The following ESF1 variants were observed in gnomAD, a reference collection of about 807,000 sequenced individuals.
The protein encoded by ESF1 is ESF1 homolog.
ESF1 carries 58 observed loss-of-function variants against 92.0 expected under a neutral mutation model. The ratio of observed to expected loss-of-function variants is 0.63; its 90% confidence interval spans 0.51 to 0.78. The LOEUF is 0.78. Among genes scored for constraint, ESF1 ranks in the 30% least tolerant of loss-of-function variants. The pLI is 0.00. For synonymous variants in ESF1, 321 were observed against 313.7 expected, an observed-to-expected ratio of 1.02 and a Z score of -0.24; for missense variants, 922 against 989.1, an observed-to-expected ratio of 0.93 and a Z score of 0.91.
At chr20:13,724,294 CA>C (rs536851074) in intron 11 of ESF1, among the ~76,000 whole-genome samples, 5 of 151,536 alleles carry the variant, frequency 3.3e-5, no homozygotes, top group African/African-American at 1.2e-4. Context: ...GACTCCGTCT[CA>C]AAAAAATAAA....
intron 6 of ESF1, among the ~76,000 whole-genome samples, chr20:13,771,042 A>G (rs1209492542): frequency 1.3e-5 from 2 of 152,288 alleles, no homozygotes; most frequent in East Asian, 3.9e-4. Context: ...TCTGGTTCCT[A>G]GCTCTAAAAG....
At chr20:13,718,060 C>T (rs996274420) in intron 12 of ESF1, among the ~76,000 whole-genome samples, 14 of 150,850 alleles carry the variant, frequency 9.3e-5, no homozygotes, top group African/African-American at 2.2e-4. Flanking sequence ...TTACACTAAA[C>T]GGGTATTTTC....
chr20:13,780,475 G>T (rs1980130274), intron 2 of ESF1, among the ~76,000 whole-genome samples: 2 of 152,054 alleles, frequency 1.3e-5, no homozygotes, highest in African/African-American at 4.8e-5. Flanking sequence ...ACCTCAAGAG[G>T]TCTGCTGCCT....
chr20:13,718,729 T>C (rs2049847223), intron 12 of ESF1, among the ~76,000 whole-genome samples, 179 bp downstream of exon 12: 1 of 141,500 alleles, frequency 7.1e-6, no homozygotes, highest in Non-Finnish European at 1.6e-5. Context: ...TTATGTTTGG[T>C]AAAAAAAACA....
chr20:13,740,874 A>G (rs1222795873), intron 9 of ESF1, among the ~76,000 whole-genome samples: 1 of 152,136 alleles, frequency 6.6e-6, no homozygotes, highest in Non-Finnish European at 1.5e-5. Flanking sequence ...ACAGGAGTCA[A>G]GAGGAAGTCT....
At chr20:13,765,655 AATGGTCAATCTG>A (rs1170875014) in intron 8 of ESF1, among the ~76,000 whole-genome samples, 1 of 152,344 alleles carries the variant, frequency 6.6e-6, no homozygotes, top group African/African-American at 2.4e-5. Flanking sequence ...CTCCCAGGGA[AATGGTCAATCTG>A]AAGTAAACCA....
intron 11 of ESF1, among the ~76,000 whole-genome samples, chr20:13,719,540 G>T (rs1600263346): frequency 6.6e-6 from 1 of 151,824 alleles, no homozygotes; most frequent in African/African-American, 2.4e-5. Context: ...AAACAGAAAA[G>T]ATTGTTTAAT....
chr20:13,757,953 AAGAC>A (rs1381526925), intron 9 of ESF1, among the ~76,000 whole-genome samples: 2 of 152,222 alleles, frequency 1.3e-5, no homozygotes, highest in African/African-American at 2.4e-5. Context: ...TTCAACTTAA[AAGAC>A]AGAATTCAAC....
chr20:13,779,896 T>C (rs980947855), intron 2 of ESF1, among the ~76,000 whole-genome samples: 6 of 152,142 alleles, frequency 3.9e-5, no homozygotes, highest in African/African-American at 1.4e-4. Context: ...ATCCAATTAT[T>C]TATGTAAAAT....
chr20:13,782,435 C>T (rs1014980163), intron 2 of ESF1, 69 bp downstream of exon 2: 1 of 1,306,326 alleles, frequency 7.7e-7, no homozygotes, highest in Non-Finnish European at 1.0e-6. Context: ...AATGTGTTTA[C>T]ATTTTTGAAA....
chr20:13,759,605 C>G, intron 9 of ESF1, 87 bp downstream of exon 9: 1 of 1,503,414 alleles, frequency 6.7e-7, no homozygotes, highest in Non-Finnish European at 8.8e-7. Flanking sequence ...AGGTCCTCAC[C>G]AAAACATTTC....
At chr20:13,745,179 T>C (rs575964492) in intron 9 of ESF1, among the ~76,000 whole-genome samples, 34 of 152,350 alleles carry the variant, frequency 2.2e-4, no homozygotes, top group African/African-American at 7.7e-4. Context: ...GGCACAAGCA[T>C]TTGGGAAAAC....
At chr20:13,747,593 G>GA (rs139489858) in intron 9 of ESF1, among the ~76,000 whole-genome samples, 21,561 of 127,782 alleles carry the variant, frequency 0.17, 2,149 homozygotes, top group East Asian at 0.44. Context: ...ACTCAGTCTC[G>GA]AAAAAAAAAA....
At chr20:13,765,830 C>T (rs1979402941) in intron 8 of ESF1, among the ~76,000 whole-genome samples, 1 of 152,170 alleles carries the variant, frequency 6.6e-6, no homozygotes, top group South Asian at 2.1e-4. Flanking sequence ...ACAAAATTAA[C>T]TAGGCACACA....
intron 9 of ESF1, among the ~76,000 whole-genome samples, chr20:13,739,975 G>C (rs2050000745): frequency 6.6e-6 from 1 of 152,158 alleles, no homozygotes; most frequent in Admixed American, 6.5e-5. Flanking sequence ...ACAAATCAGA[G>C]AGAACACATG....
In ESF1 at chr20:13,764,081, AT is replaced by A. The variant is rs536496799; in HGVS notation, c.1666+2695del. 2.3e-4 allele frequency among the ~76,000 whole-genome samples: 35 copies of A among 152,358 alleles called. 1 individual carries two copies. The South Asian group carries it at 7.0e-3, about 31-fold the overall frequency. ...CATTTTAGGATTTAATTAATTTGAC[AT>A]TTAGGCTATAAAAATAATACATATA... On this transcript the variant is annotated intron_variant, in intron 8 of 13. Transcript: ENST00000617257.
At chr20:13,724,373 A>T (rs1342231816) in intron 11 of ESF1, among the ~76,000 whole-genome samples, 1 of 152,238 alleles carries the variant, frequency 6.6e-6, no homozygotes, top group Non-Finnish European at 1.5e-5. Flanking sequence ...AACTCTCTTT[A>T]AGAGTACCTA....
At chr20:13,781,857 C>T (rs554268068) in intron 2 of ESF1, among the ~76,000 whole-genome samples, 4 of 152,070 alleles carry the variant, frequency 2.6e-5, no homozygotes, top group Admixed American at 6.5e-5. Context: ...ATTTTTGAGA[C>T]GGAGTCCTAC....
chr20:13,772,567 G>T lies in ESF1; in HGVS notation c.1198C>A (p.Gln400Lys). The part of the protein sequence containing the change: ...GKERMKEEQV[Q>K]GPVELLSIPE... ...ATACTTAATAGCTCTACTGGTCCTTGAACTTGCTCTTCCTTCATCCTCTCC... is the reference window on the plus strand; with the variant it reads ...ATACTTAATAGCTCTACTGGTCCTTTAACTTGCTCTTCCTTCATCCTCTCC... The change falls in exon 5 of 14, where the codon CAA becomes AAA. Residue 400 changes from glutamine to lysine, a missense_variant. Coordinates refer to ENST00000617257, the MANE Select transcript of ESF1 (RefSeq NM_001276380.2). The T allele has an allele frequency of 6.2e-7, 1 of 1,612,994 alleles. No homozygotes were observed. The highest frequency in any genetic ancestry group is 1.1e-5 in the South Asian group (1 of 91,062).
Sources: gnomAD v4.1 joint callset for allele counts (sites outside exome capture counted in the v4.1 genomes callset) on GRCh38, gnomAD v4.1.1 for gene constraint, MANE v1.5 for transcripts, NCBI Gene and HGNC (gene_info 2026-07-23, HGNC 2026-07-21) for gene names.